Variants in TLL1 observed in about 807,000 individuals in gnomAD.
TLL1 encodes tolloid like 1, also known as tolloid-like protein 1.
A neutral mutation model predicts 128.2 loss-of-function variants in TLL1; 49 were observed. That is an observed-to-expected ratio of 0.38 (90% CI 0.30 to 0.48). The LOEUF (loss-of-function observed/expected upper bound fraction) is 0.48, where lower values mean the gene tolerates loss of function less well. Among genes scored for constraint, TLL1 ranks in the 20% least tolerant of loss-of-function variants. The pLI is 0.96. For missense variants in TLL1, 1,123 were observed against 1,242.0 expected, an observed-to-expected ratio of 0.90 and a Z score of 1.44; for synonymous variants, 454 against 418.8, an observed-to-expected ratio of 1.08 and a Z score of -1.03.
chr4:166,070,907 T>C lies in TLL1; in HGVS notation c.2189-3971T>C, dbSNP rs116086125. 2.5e-3 allele frequency among the ~76,000 whole-genome samples: 380 copies of C among 152,086 alleles called. 3 individuals carry two copies. Among genetic ancestry groups the C allele is most frequent in the African/African-American group, 8.5e-3 (352 of 41,548 alleles). ...TTCCACACAGTAAGACAACTACAAC[T>C]TTCTTGTATGATTTTGAATCCTGCT... On this transcript the variant is annotated intron_variant, in intron 16 of 20. Coordinates refer to ENST00000061240, the MANE Select transcript of TLL1 (RefSeq NM_012464.5).
intron 1 of TLL1, among the ~76,000 whole-genome samples, chr4:165,962,256 G>A (rs1295234415): frequency 6.6e-6 from 1 of 152,122 alleles, no homozygotes; most frequent in African/African-American, 2.4e-5. Flanking sequence ...TAATATGTGG[G>A]CAAAGGACAT....
intron 1 of TLL1, among the ~76,000 whole-genome samples, chr4:165,947,116 T>C (rs1453425967): frequency 6.6e-6 from 1 of 152,112 alleles, no homozygotes. Flanking sequence ...CAAGATCAAG[T>C]AGGCAAAGTA....
chr4:165,931,947 A>T (rs529536743), intron 1 of TLL1, among the ~76,000 whole-genome samples: 2 of 152,184 alleles, frequency 1.3e-5, no homozygotes, highest in Non-Finnish European at 2.9e-5. Context: ...CGAGTGACTC[A>T]GAATTTGGTT....
intron 19 of TLL1, among the ~76,000 whole-genome samples, chr4:166,095,038 C>G (rs1301135496): frequency 2.0e-5 from 3 of 152,080 alleles, no homozygotes; most frequent in African/African-American, 7.2e-5. Context: ...TCAGCATTTG[C>G]TACGTGTATA....
At chr4:165,891,108 T>G (rs1049413143) in intron 1 of TLL1, among the ~76,000 whole-genome samples, 24 of 152,200 alleles carry the variant, frequency 1.6e-4, no homozygotes, top group African/African-American at 5.8e-4. Flanking sequence ...TAGCCACGGT[T>G]CAGATGCAAG....
At chr4:165,991,762 T>C (rs1736645788) in intron 2 of TLL1, among the ~76,000 whole-genome samples, 1 of 151,980 alleles carries the variant, frequency 6.6e-6, no homozygotes, top group South Asian at 2.1e-4. Flanking sequence ...TTGTGAATAG[T>C]TCAAGTTGTC....
intron 1 of TLL1, among the ~76,000 whole-genome samples, chr4:165,915,836 T>C (rs942265799): frequency 6.6e-6 from 1 of 152,208 alleles, no homozygotes; most frequent in African/African-American, 2.4e-5. Context: ...ATTTGGTAAC[T>C]GGCCATAATG....
At chr4:166,081,749 T>G (rs1307679261) in intron 18 of TLL1, among the ~76,000 whole-genome samples, 1 of 152,038 alleles carries the variant, frequency 6.6e-6, no homozygotes, top group East Asian at 1.9e-4. Context: ...TTATTTTTTT[T>G]TTTTTACACT....
Position 166,065,973 on chromosome 4 carries a change from A to G in TLL1, c.2188+110A>G, listed in dbSNP as rs12650522. 0.35 allele frequency: 255,733 copies of G among 735,712 alleles called. 50,812 individuals are homozygous for G. The highest frequency in any genetic ancestry group is 0.75 in the African/African-American group (39,081 of 51,966). The allele number at this position is 735,712 out of a possible 1,614,324, so 45.6% of individuals were successfully genotyped here. On this transcript the variant is annotated intron_variant, in intron 16 of 20. Coordinates refer to ENST00000061240, the MANE Select transcript of TLL1 (RefSeq NM_012464.5). ...TTTTCTGTAAATGCAACTTGAAGAT[A>G]AGTAGGCCTTACAAACAACACAAAA...
At chr4:165,912,959 A>G (rs1437180770) in intron 1 of TLL1, among the ~76,000 whole-genome samples, 1 of 152,174 alleles carries the variant, frequency 6.6e-6, no homozygotes, top group East Asian at 1.9e-4. Context: ...CAAATATAAA[A>G]TACCTTAATT....
chr4:165,934,297 G>A (rs990564449), intron 1 of TLL1, among the ~76,000 whole-genome samples: 1 of 151,290 alleles, frequency 6.6e-6, no homozygotes, highest in African/African-American at 2.4e-5. Context: ...TTACGGGCAT[G>A]AGCCACCATG....
chr4:166,074,942 C>A lies in TLL1; in HGVS notation c.2253C>A (p.Ser751Arg). ...ACGAATGTGTCAACACGATGGGGAGCTACATGTGTCAATGCCGTAATGGAT... is the reference window on the plus strand; with the variant it reads ...ACGAATGTGTCAACACGATGGGGAGATACATGTGTCAATGCCGTAATGGAT... ...CQHECVNTMG[S>R]YMCQCRNGFV... Residue 751 changes from serine (S) to arginine (R), a missense_variant, in exon 17 of 21, where the codon AGC becomes AGA. Coordinates refer to ENST00000061240, the MANE Select transcript of TLL1 (RefSeq NM_012464.5). 2.5e-6 allele frequency: 4 copies of A among 1,613,646 alleles called. No homozygotes were observed. The highest frequency in any genetic ancestry group is 1.1e-5 in the South Asian group (1 of 91,078).
At chr4:165,904,973 C>G (rs1195640912) in intron 1 of TLL1, among the ~76,000 whole-genome samples, 1 of 152,166 alleles carries the variant, frequency 6.6e-6, no homozygotes, top group Non-Finnish European at 1.5e-5. Context: ...CTTCTTTAAC[C>G]TATTAGAACG....
chr4:166,046,313 A>G (rs1739459171), intron 12 of TLL1, among the ~76,000 whole-genome samples: 1 of 152,192 alleles, frequency 6.6e-6, no homozygotes, highest in South Asian at 2.1e-4. Flanking sequence ...ATTATGGAGT[A>G]CCTGGTATGG....
chr4:166,081,531 G>T (rs781633382), intron 18 of TLL1, among the ~76,000 whole-genome samples: 1 of 152,074 alleles, frequency 6.6e-6, no homozygotes, highest in Non-Finnish European at 1.5e-5. Context: ...TGCAGTTTCC[G>T]TTAGTTCTAT....
intron 1 of TLL1, among the ~76,000 whole-genome samples, chr4:165,896,104 C>A (rs1363058457): frequency 6.6e-6 from 1 of 151,958 alleles, no homozygotes; most frequent in Non-Finnish European, 1.5e-5. Context: ...CCCAAGAGGC[C>A]CCGGTGTGTG....
chr4:165,875,921 T>G (rs1579429282), intron 1 of TLL1, among the ~76,000 whole-genome samples: 2 of 152,090 alleles, frequency 1.3e-5, no homozygotes, highest in East Asian at 3.9e-4. Flanking sequence ...AAAAAAAAAC[T>G]TTAATAGCAT....
chr4:165,915,137 A>T (rs1050696170), intron 1 of TLL1, among the ~76,000 whole-genome samples: 5 of 152,230 alleles, frequency 3.3e-5, no homozygotes, highest in African/African-American at 9.6e-5. Context: ...ATAAATAACA[A>T]GAAGTACAGA....
intron 1 of TLL1, among the ~76,000 whole-genome samples, chr4:165,890,033 C>T (rs189037568): frequency 2.0e-4 from 30 of 152,130 alleles, no homozygotes; most frequent in African/African-American, 4.6e-4. Context: ...ACAGTCATGG[C>T]GGAAGGGGAA....
Sources: gnomAD v4.1 joint callset for allele counts (sites outside exome capture counted in the v4.1 genomes callset) on GRCh38, gnomAD v4.1.1 for gene constraint, MANE v1.5 for transcripts, NCBI Gene and HGNC (gene_info 2026-07-23, HGNC 2026-07-21) for gene names.